The following DNAAF1 variants were observed in gnomAD, a reference collection of about 807,000 sequenced individuals.
DNAAF1 encodes dynein axonemal assembly factor 1.
A neutral mutation model predicts 71.1 loss-of-function variants in DNAAF1; 65 were observed. The ratio of observed to expected loss-of-function variants is 0.91; its 90% CI spans 0.75 to 1.12. The LOEUF is 1.12. DNAAF1 is among the 50% of genes most tolerant of loss of function. The probability of loss-of-function intolerance (pLI) is 0.00; values close to 1 mark genes in which losing one functional copy is unlikely to be tolerated. For synonymous variants in DNAAF1, 414 were observed against 354.6 expected, an observed-to-expected ratio of 1.17 and a Z score of -1.88; for missense variants, 1,178 against 899.8, an observed-to-expected ratio of 1.31 and a Z score of -3.96.
chr16:84,151,701 T>G (rs2087190775), intron 3 of DNAAF1, among the ~76,000 whole-genome samples: 1 of 152,232 alleles, frequency 6.6e-6, no homozygotes, highest in African/African-American at 2.4e-5. Flanking sequence ...TGGGCGGTTC[T>G]GGCTCAGGGT....
intron 8 of DNAAF1, among the ~76,000 whole-genome samples, 163 bp downstream of exon 8, chr16:84,170,519 G>A (rs1426698119): frequency 1.3e-5 from 2 of 152,168 alleles, no homozygotes; most frequent in East Asian, 3.8e-4. Context: ...GAACAGGGCT[G>A]CCCAACAGAA....
chr16:84,148,971 T>C (rs771361870), intron 1 of DNAAF1, 36 bp from the exon 2 acceptor site: 2 of 1,613,224 alleles, frequency 1.2e-6, no homozygotes, highest in South Asian at 1.1e-5. Context: ...GGCATATATC[T>C]TGATCTCTAC....
At chr16:84,161,025 G>A (rs896120537) in intron 6 of DNAAF1, among the ~76,000 whole-genome samples, 1 of 152,158 alleles carries the variant, frequency 6.6e-6, no homozygotes, top group Non-Finnish European at 1.5e-5. Flanking sequence ...AGGTCTGGGG[G>A]TGGTAAGGAC....
rs745506813 is a variant in DNAAF1 at position 84,175,989 on chromosome 16, T to A, written c.1755T>A (p.Pro585=). 19 of 1,614,144 alleles carry A rather than the reference T, an allele frequency of 1.2e-5. No individual in the cohort carries two copies. Among genetic ancestry groups the A allele is most frequent in the Non-Finnish European group, 1.5e-5 (18 of 1,179,974 alleles). The change falls in exon 11 of 12, where the codon CCT becomes CCA. Residue 585 remains proline (P), a synonymous_variant. Transcript: ENST00000378553. The part of the protein sequence containing the change: ...VISSLSDDSD[P]ELDYTSLPVL... ...CGAGCTTGAGTGATGACAGTGACCC[T>A]GAACTGGACTACACGTCACTCCCTG...
intron 5 of DNAAF1, among the ~76,000 whole-genome samples, chr16:84,156,679 C>A (rs1371988212): frequency 6.6e-6 from 1 of 152,180 alleles, no homozygotes; most frequent in African/African-American, 2.4e-5. Flanking sequence ...AGTTTTCTCA[C>A]TCTCTCAGCA....
intron 11 of DNAAF1, chr16:84,177,094 G>C (rs1311574763): frequency 1.1e-5 from 2 of 176,400 alleles, no homozygotes; most frequent in Non-Finnish European, 2.5e-5. Context: ...GCTTTTTCCT[G>C]AAGACAGCTG....
intron 3 of DNAAF1, among the ~76,000 whole-genome samples, chr16:84,151,425 A>G (rs1471233217): frequency 6.6e-6 from 1 of 152,092 alleles, no homozygotes; most frequent in Non-Finnish European, 1.5e-5. Flanking sequence ...CCCACTCCAA[A>G]ATTCTCTACC....
chr16:84,155,985 T>C (rs1359172839), intron 5 of DNAAF1, among the ~76,000 whole-genome samples: 8 of 152,014 alleles, frequency 5.3e-5, no homozygotes, highest in Admixed American at 2.0e-4. Flanking sequence ...TTTTTTGATA[T>C]AGAGTTTCGC....
chr16:84,166,017 C>A (rs777131902), intron 7 of DNAAF1, 68 bp downstream of exon 7: 21 of 1,523,564 alleles, frequency 1.4e-5, no homozygotes, highest in African/African-American at 5.5e-5. Flanking sequence ...AGCTCTCAAA[C>A]CCAGTCTTTA....
At chr16:84,160,213 G>T (rs775236603) in intron 6 of DNAAF1, among the ~76,000 whole-genome samples, 14 of 152,168 alleles carry the variant, frequency 9.2e-5, no homozygotes, top group South Asian at 2.1e-4. Flanking sequence ...GGTGAAGATC[G>T]TACCCCATTG....
intron 5 of DNAAF1, chr16:84,159,125 C>T (rs2087580858): frequency 6.0e-6 from 6 of 992,066 alleles, no homozygotes; most frequent in Non-Finnish European, 7.2e-6. Flanking sequence ...ATTGCCGAGC[C>T]CCTTCCTCCT....
chr16:84,158,162 G>A (rs1230584074), intron 5 of DNAAF1, among the ~76,000 whole-genome samples: 2 of 152,022 alleles, frequency 1.3e-5, no homozygotes, highest in Non-Finnish European at 1.5e-5. Flanking sequence ...CCGAGATCGC[G>A]CCACTACACT....
At chr16:84,159,584 T>C in intron 5 of DNAAF1, 91 bp from the exon 6 acceptor site, 1 of 1,511,002 alleles carries the variant, frequency 6.6e-7, no homozygotes, top group Non-Finnish European at 9.0e-7. Flanking sequence ...AAAAAATAGA[T>C]TTTGTTCATT....
chr16:84,156,662 A>G (rs1456425157), intron 5 of DNAAF1, among the ~76,000 whole-genome samples: 3 of 152,174 alleles, frequency 2.0e-5, no homozygotes, highest in Admixed American at 6.5e-5. Context: ...CACAATGACA[A>G]CTTTCCAGTT....
intron 7 of DNAAF1, among the ~76,000 whole-genome samples, chr16:84,169,077 C>CTTT (rs567267370): frequency 1.4e-5 from 1 of 71,188 alleles, no homozygotes; most frequent in Non-Finnish European, 2.6e-5. Flanking sequence ...CTCAAGGATA[C>CTTT]TTTTTTTTTT....
At chr16:84,172,779 G>A (rs1035558) in intron 9 of DNAAF1, 379,149 of 1,093,994 alleles carry the variant, frequency 0.35, 66,893 homozygotes, top group Admixed American at 0.41. Flanking sequence ...TTTATACATT[G>A]TATCTTTTCC....
rs1199274115 is a variant in DNAAF1 at position 84,155,183 on chromosome 16, C to G, written c.574+385C>G. 2.6e-5 allele frequency among the ~76,000 whole-genome samples: 4 copies of G among 152,146 alleles called. No individual in the cohort carries two copies. The East Asian group carries it at 7.7e-4, about 29-fold the overall frequency. ...TTGGCCTCCCAAAGTGCTGGGATTA[C>G]AGGCGTGAGCCACCATGCCCAGCCA... On this transcript the variant is annotated intron_variant, in intron 4 of 11. Coordinates refer to ENST00000378553, the MANE Select transcript of DNAAF1 (RefSeq NM_178452.6).
At chr16:84,157,834 T>A (rs1332326027) in intron 5 of DNAAF1, among the ~76,000 whole-genome samples, 1 of 152,162 alleles carries the variant, frequency 6.6e-6, no homozygotes, top group East Asian at 1.9e-4. Flanking sequence ...AAAGCTCTAT[T>A]ATATTATAAT....
chr16:84,159,641 A>T (rs1405768385), intron 5 of DNAAF1, 34 bp from the exon 6 acceptor site: 1 of 1,588,822 alleles, frequency 6.3e-7, no homozygotes, highest in Non-Finnish European at 8.6e-7. Context: ...CGCATCTTTC[A>T]GTAATCATTT....
Sources: allele counts gnomAD v4.1 joint callset (sites outside exome capture counted in the v4.1 genomes callset), GRCh38; gene constraint gnomAD v4.1.1; transcripts MANE v1.5; gene names NCBI Gene and HGNC (gene_info 2026-07-23, HGNC 2026-07-21).